Variants in KCNK3 observed in about 807,000 individuals in gnomAD.
KCNK3 encodes potassium two pore domain channel subfamily K member 3.
Under a neutral mutation model 27.3 loss-of-function variants are expected in KCNK3, and 9 were observed. The ratio of observed to expected loss-of-function variants is 0.33; its 90% CI spans 0.20 to 0.57. KCNK3 has a LOEUF of 0.57. KCNK3 is among the 20% of genes least tolerant of loss of function. The pLI is 0.87. For synonymous variants in KCNK3, 278 were observed against 273.8 expected (o/e 1.02, Z -0.15); for missense variants, 391 against 577.7 (o/e 0.68, Z 3.31).
chr2:26,703,570 C>T (rs1462274340), intron 1 of KCNK3, among the ~76,000 whole-genome samples: 5 of 152,330 alleles, frequency 3.3e-5, no homozygotes, highest in South Asian at 4.1e-4. Flanking sequence ...GGTCCCCTTC[C>T]AAATTGAATT....
At chr2:26,699,902 T>C (rs530475182) in intron 1 of KCNK3, among the ~76,000 whole-genome samples, 2 of 152,212 alleles carry the variant, frequency 1.3e-5, no homozygotes, top group African/African-American at 2.4e-5. Context: ...CACCAGGACT[T>C]GCACCCAGGT....
chr2:26,694,702 C>G (rs1184667252), intron 1 of KCNK3, among the ~76,000 whole-genome samples: 2 of 152,130 alleles, frequency 1.3e-5, no homozygotes, highest in African/African-American at 4.8e-5. Context: ...TGAAAAACAC[C>G]AGCCCAGATT....
At chr2:26,702,123 C>T (rs943628442) in intron 1 of KCNK3, among the ~76,000 whole-genome samples, 3 of 152,172 alleles carry the variant, frequency 2.0e-5, no homozygotes, top group African/African-American at 2.4e-5. Flanking sequence ...CCTCCACCCT[C>T]GAGTAGGCCC....
chr2:26,703,172 C>CTAAA (rs2148257371), intron 1 of KCNK3, among the ~76,000 whole-genome samples: 1 of 152,262 alleles, frequency 6.6e-6, no homozygotes, highest in South Asian at 2.1e-4. Context: ...AACTGCTGTC[C>CTAAA]ACAGGCAGAA....
chr2:26,704,973 C>CT (rs375122777), intron 1 of KCNK3, among the ~76,000 whole-genome samples: 4,116 of 149,028 alleles, frequency 0.028, 160 homozygotes, highest in African/African-American at 0.09. Flanking sequence ...TTCTTTCTTT[C>CT]TTTTTTTTTT....
intron 1 of KCNK3, among the ~76,000 whole-genome samples, chr2:26,714,528 G>A (rs535919646): frequency 0.19 from 69 of 362 alleles, 2 homozygotes; most frequent in South Asian, 0.46. Flanking sequence ...TCAGGAAGCA[G>A]AGCTGGAGAG....
At chr2:26,714,657 G>A (rs1663192047) in intron 1 of KCNK3, among the ~76,000 whole-genome samples, 1 of 151,394 alleles carries the variant, frequency 6.6e-6, no homozygotes, top group South Asian at 2.1e-4. Context: ...AGGCCAAGGT[G>A]GGCGGATCAC....
chr2:26,725,309 G>A (rs1360287251), intron 1 of KCNK3, among the ~76,000 whole-genome samples: 4 of 152,200 alleles, frequency 2.6e-5, no homozygotes, highest in Non-Finnish European at 5.9e-5. Flanking sequence ...CTGTGCTCCT[G>A]CAGAGGGCTC....
intron 1 of KCNK3, among the ~76,000 whole-genome samples, chr2:26,707,958 G>A (rs775697427): frequency 3.9e-5 from 6 of 152,100 alleles, no homozygotes; most frequent in African/African-American, 7.2e-5. Context: ...CCACCCACTC[G>A]GCCTCTCTGA....
chr2:26,723,169 A>T (rs1663354969), intron 1 of KCNK3, among the ~76,000 whole-genome samples: 1 of 152,230 alleles, frequency 6.6e-6, no homozygotes, highest in South Asian at 2.1e-4. Context: ...GCCATGACCA[A>T]GGGCTCAGAG....
In KCNK3 at chr2:26,721,380, C is replaced by G. The variant is rs940505217; in HGVS notation, c.284-6287C>G. ...ACCTGCGCCCTCCTCCCGTCTCCAC[C>G]AAGCTGCAGCCCCTCCCTCCTCTCC... On this transcript the variant is annotated intron_variant, in intron 1 of 1. Coordinates refer to ENST00000302909, the MANE Select transcript of KCNK3 (RefSeq NM_002246.3). This position sits in a 1 kb window ranked among gnomAD's most constrained non-coding sequence, Gnocchi z 4.3. 6.6e-6 allele frequency among the ~76,000 whole-genome samples: 1 copy of G among 152,114 alleles called. No homozygotes were observed. Among genetic ancestry groups the G allele is most frequent in the Non-Finnish European group, 1.5e-5 (1 of 67,996 alleles).
intron 1 of KCNK3, among the ~76,000 whole-genome samples, chr2:26,724,816 C>A (rs1293225339): frequency 6.6e-6 from 1 of 152,110 alleles, no homozygotes; most frequent in African/African-American, 2.4e-5. Flanking sequence ...AAGCTGGGTC[C>A]TGAGGAGCTA....
intron 1 of KCNK3, among the ~76,000 whole-genome samples, chr2:26,705,542 C>T (rs1670361802): frequency 6.6e-6 from 1 of 152,160 alleles, no homozygotes; most frequent in Admixed American, 6.5e-5. Flanking sequence ...AACCTTAACA[C>T]CTAGCTTCTC....
Position 26,693,228 on chromosome 2 carries a change from G to A in KCNK3, c.283+70G>A, listed in dbSNP as rs1190219001. The A allele has an allele frequency of 3.4e-6, 4 of 1,189,434 alleles. No homozygotes were observed. The highest frequency in any genetic ancestry group is 3.4e-5 in the Admixed American group (1 of 29,284). 73.7% of individuals were successfully genotyped at this position (1,189,434 alleles called of 1,614,324 possible). ...GGGGCTCCGGGAGTCGTCCGGGGCC[G>A]GCTGGGGCTGGGGGCGGGGGCTCCC... On this transcript the variant is annotated intron_variant, in intron 1 of 1. Transcript: ENST00000302909. The surrounding 1 kb of genome is among the most constrained non-coding windows in gnomAD (Gnocchi z 5.5).
At chr2:26,714,804 T>C (rs1663198709) in intron 1 of KCNK3, among the ~76,000 whole-genome samples, 1 of 151,896 alleles carries the variant, frequency 6.6e-6, no homozygotes, top group Admixed American at 6.6e-5. Context: ...GAGAATCACT[T>C]GAACCCAGGA....
At chr2:26,726,102 CACACAGAGAGAGAGAGAG>C (rs1203564616) in intron 1 of KCNK3, among the ~76,000 whole-genome samples, 28 of 136,238 alleles carry the variant, frequency 2.1e-4, no homozygotes, top group African/African-American at 7.3e-4. Flanking sequence ...CACACACACA[CACACAGAGAGAGAGAGAG>C]AGAGAGAGAG....
chr2:26,713,436 A>T (rs534139645), intron 1 of KCNK3, among the ~76,000 whole-genome samples: 2 of 152,180 alleles, frequency 1.3e-5, no homozygotes, highest in African/African-American at 2.4e-5. Flanking sequence ...GACTGGGGGA[A>T]CTAAGGAAGG....
rs1343944053 is a variant in KCNK3, at chr2:26,723,103, A to T, written c.284-4564A>T. 2.6e-5 allele frequency among the ~76,000 whole-genome samples: 4 copies of T among 152,182 alleles called. No individual in the cohort carries two copies. The East Asian group carries it at 7.7e-4, about 29-fold the overall frequency. On this transcript the variant is annotated intron_variant, in intron 1 of 1. Transcript: ENST00000302909. ...CAAGGGTAGGAGGTCAAGCAAGCAG[A>T]CTAGCAGGCATAGGAGGCCAGTGGG...
At chr2:26,697,901 T>A (rs1437371241) in intron 1 of KCNK3, among the ~76,000 whole-genome samples, 1 of 152,098 alleles carries the variant, frequency 6.6e-6, no homozygotes, top group Non-Finnish European at 1.5e-5. Context: ...ACTTTTTACA[T>A]CTTTTCAAGA....
Sources: allele counts gnomAD v4.1 joint callset (sites outside exome capture counted in the v4.1 genomes callset), GRCh38; gene constraint gnomAD v4.1.1; non-coding constraint Gnocchi (gnomAD v3.1); transcripts MANE v1.5; gene names NCBI Gene and HGNC (gene_info 2026-07-23, HGNC 2026-07-21).